Variants in SMIM8 observed in about 807,000 individuals in gnomAD.
The protein encoded by SMIM8 is small integral membrane protein 8.
In SMIM8, 8 loss-of-function variants were observed where a neutral mutation model predicts 8.1. The observed-to-expected ratio is 0.99, with a 90% CI of 0.58 to 1.78. The LOEUF (loss-of-function observed/expected upper bound fraction) is 1.78. Ranked by LOEUF, SMIM8 falls within the 40% of genes most tolerant of loss-of-function variation. The pLI, the probability that SMIM8 is intolerant of heterozygous loss-of-function variation, is 0.00. For synonymous variants in SMIM8, 45 were observed against 39.7 expected, an observed-to-expected ratio of 1.13 and a Z score of -0.50; for missense variants, 126 against 119.8, an observed-to-expected ratio of 1.05 and a Z score of -0.24.
intron 3 of SMIM8, among the ~76,000 whole-genome samples, chr6:87,338,145 G>A (rs1174870652): frequency 6.6e-6 from 1 of 152,114 alleles, no homozygotes; most frequent in Non-Finnish European, 1.5e-5. Context: ...TCTTTTAATT[G>A]CTAAAAGCAT....
intron 1 of SMIM8, among the ~76,000 whole-genome samples, chr6:87,323,318 C>G (rs188940066): frequency 6.6e-6 from 1 of 152,096 alleles, no homozygotes; most frequent in African/African-American, 2.4e-5. Flanking sequence ...TACATGTGCA[C>G]AATGTGCAGG....
In SMIM8 at chr6:87,340,336, T is replaced by G. The variant is rs114629345; in HGVS notation, c.*62T>G. The G allele has an allele frequency of 1.9e-3, 2,713 of 1,445,730 alleles. 58 individuals carry two copies. The African/African-American group carries it at 0.035, about 19-fold the overall frequency. The allele number at this position is 1,445,730 out of a possible 1,614,324, so 89.6% of individuals were successfully genotyped here. A position where few individuals can be genotyped will look rare whatever the true frequency, so the allele number is the denominator to read the frequency against. On this transcript the variant is annotated 3_prime_UTR_variant, in exon 4 of 4. Coordinates refer to ENST00000392863, the MANE Select transcript of SMIM8 (RefSeq NM_001042493.3). ...TTCTGAAATCTTCAAATGAAAGACCTTGTGAGTGTACAGTATCATGTTTCT... is the reference window on the plus strand; with the variant it reads ...TTCTGAAATCTTCAAATGAAAGACCGTGTGAGTGTACAGTATCATGTTTCT...
chr6:87,323,852 T>C (rs993950507), intron 1 of SMIM8, among the ~76,000 whole-genome samples: 6 of 152,138 alleles, frequency 3.9e-5, no homozygotes, highest in African/African-American at 1.4e-4. Flanking sequence ...ATCGCCACAC[T>C]GACTTCCACA....
In SMIM8 at chr6:87,337,015, A is replaced by G. The variant is rs760934633; in HGVS notation, c.-17A>G. ...TATATTATTTTGTTTTTAGATAATAAATCATCATTGATCAAGATGTCTTCA... is the reference window on the plus strand; with the variant it reads ...TATATTATTTTGTTTTTAGATAATAGATCATCATTGATCAAGATGTCTTCA... On this transcript the variant is annotated 5_prime_UTR_variant, in exon 3 of 4. Coordinates refer to ENST00000392863, the MANE Select transcript of SMIM8 (RefSeq NM_001042493.3). 6.3e-7 allele frequency: 1 copy of G among 1,576,294 alleles called. No homozygotes were observed. The highest frequency in any genetic ancestry group is 1.9e-5 in the Admixed American group (1 of 51,742).
intron 2 of SMIM8, among the ~76,000 whole-genome samples, chr6:87,333,265 C>T (rs1777031028): frequency 2.6e-5 from 4 of 152,100 alleles, no homozygotes; most frequent in Non-Finnish European, 2.9e-5. Context: ...CACTTGCTCC[C>T]CACGCTCCCC....
intron 3 of SMIM8, among the ~76,000 whole-genome samples, chr6:87,337,588 A>G (rs1028738927): frequency 1.6e-4 from 25 of 152,240 alleles, no homozygotes; most frequent in African/African-American, 6.0e-4. Flanking sequence ...ATTTTTATCT[A>G]AGCAATATTA....
chr6:87,325,802 C>T (rs1229163344), intron 1 of SMIM8, among the ~76,000 whole-genome samples: 2 of 152,136 alleles, frequency 1.3e-5, no homozygotes, highest in Non-Finnish European at 2.9e-5. Flanking sequence ...GGGAGGATTC[C>T]CTCTTTTTCT....
At chr6:87,324,159 A>T (rs971889983) in intron 1 of SMIM8, among the ~76,000 whole-genome samples, 15 of 152,124 alleles carry the variant, frequency 9.9e-5, no homozygotes, top group African/African-American at 3.6e-4. Context: ...AGTTGATTGT[A>T]GATTCTGGAT....
intron 1 of SMIM8, 87 bp downstream of exon 1, chr6:87,322,719 C>T (rs2127912905): frequency 6.6e-6 from 1 of 152,426 alleles, no homozygotes; most frequent in African/African-American, 2.4e-5. Flanking sequence ...CCGTCTCTGC[C>T]CTTCCCAGCT....
chr6:87,328,736 C>T (rs1198054494), intron 1 of SMIM8, among the ~76,000 whole-genome samples: 2 of 152,188 alleles, frequency 1.3e-5, no homozygotes, highest in South Asian at 2.1e-4. Flanking sequence ...AGAGGTGGAG[C>T]CTACAGAGGC....
At chr6:87,323,269 T>C (rs1220514795) in intron 1 of SMIM8, among the ~76,000 whole-genome samples, 2 of 57,288 alleles carry the variant, frequency 3.5e-5, no homozygotes, top group African/African-American at 8.2e-5. Flanking sequence ...TGTTTTGTTT[T>C]GTTTATTTAT....
intron 1 of SMIM8, among the ~76,000 whole-genome samples, chr6:87,326,897 A>C (rs1315935679): frequency 8.7e-6 from 1 of 114,310 alleles, no homozygotes; most frequent in Non-Finnish European, 1.8e-5. Flanking sequence ...AATTTGTGGG[A>C]GTTTAAGTCT....
intron 2 of SMIM8, among the ~76,000 whole-genome samples, chr6:87,336,177 G>T (rs1382373923): frequency 6.6e-6 from 1 of 151,984 alleles, no homozygotes; most frequent in Non-Finnish European, 1.5e-5. Context: ...GTCCATCTTT[G>T]GAAGCTTTCT....
intron 1 of SMIM8, among the ~76,000 whole-genome samples, chr6:87,328,950 C>T (rs986783577): frequency 6.6e-6 from 1 of 152,220 alleles, no homozygotes; most frequent in South Asian, 2.1e-4. Flanking sequence ...GATATAATCT[C>T]GTGGTGCGCC....
intron 3 of SMIM8, among the ~76,000 whole-genome samples, chr6:87,337,872 C>T (rs1419028092): frequency 1.3e-5 from 2 of 152,158 alleles, no homozygotes; most frequent in South Asian, 2.1e-4. Context: ...AAGCGATTCT[C>T]CCACCTCAGC....
At chr6:87,326,698 A>G (rs933015295) in intron 1 of SMIM8, among the ~76,000 whole-genome samples, 7 of 130,644 alleles carry the variant, frequency 5.4e-5, no homozygotes, top group Admixed American at 3.1e-4. Flanking sequence ...TATGTGGTCA[A>G]TTTTGGAATA....
At chr6:87,325,962 A>C (rs1052753116) in intron 1 of SMIM8, among the ~76,000 whole-genome samples, 15 of 152,254 alleles carry the variant, frequency 9.9e-5, no homozygotes, top group African/African-American at 1.4e-4. Context: ...TTGGTCTATT[A>C]AGAGATTCAA....
rs186222507 is a variant in SMIM8, at chr6:87,331,077, G to T, written c.-24+365G>T. ...TCATTACTGTTTTAACACAGTAAATGAGGTTTTTAAATGCAGCTTAAAAAT... is the reference window on the plus strand; with the variant it reads ...TCATTACTGTTTTAACACAGTAAATTAGGTTTTTAAATGCAGCTTAAAAAT... On this transcript the variant is annotated intron_variant, in intron 2 of 3. Transcript: ENST00000392863. 438 of 152,278 alleles carry T rather than the reference G, an allele frequency of 2.9e-3. 1 individual carries two copies. The highest frequency in any genetic ancestry group is 9.8e-3 in the African/African-American group (406 of 41,548). 9.4% of individuals were successfully genotyped at this position (152,278 alleles called of 1,614,324 possible). A position where few individuals can be genotyped will look rare whatever the true frequency, so the allele number is the denominator to read the frequency against.
At chr6:87,328,786 C>A (rs576322323) in intron 1 of SMIM8, among the ~76,000 whole-genome samples, 13 of 152,306 alleles carry the variant, frequency 8.5e-5, no homozygotes, top group Non-Finnish European at 1.5e-4. Flanking sequence ...CCACCCAGTT[C>A]GAGCTTCCCA....
Sources: gnomAD v4.1 joint callset for allele counts (sites outside exome capture counted in the v4.1 genomes callset) on GRCh38, gnomAD v4.1.1 for gene constraint, MANE v1.5 for transcripts, NCBI Gene and HGNC (gene_info 2026-07-23, HGNC 2026-07-21) for gene names.